Variants in WDR5 observed in about 807,000 individuals in gnomAD.
The protein encoded by WDR5 is WD repeat domain 5.
For missense variants in WDR5, 187 were observed against 416.9 expected, an observed-to-expected ratio of 0.45 and a Z score of 4.80; for synonymous variants, 144 against 161.6, an observed-to-expected ratio of 0.89 and a Z score of 0.83.
chr9:134,143,901 C>A (rs1196077269), intron 7 of WDR5, among the ~76,000 whole-genome samples: 1 of 151,836 alleles, frequency 6.6e-6, no homozygotes, highest in East Asian at 1.9e-4. Flanking sequence ...CTCCATTTCA[C>A]AAAGTGGCCA....
chr9:134,142,518 G>A, intron 6 of WDR5, 96 bp downstream of exon 6: 1 of 1,552,062 alleles, frequency 6.4e-7, no homozygotes, highest in Non-Finnish European at 8.9e-7. Flanking sequence ...AGGCAGGTGG[G>A]CCCTGAGTCC....
intron 7 of WDR5, among the ~76,000 whole-genome samples, chr9:134,146,981 C>T (rs1224764401): frequency 6.6e-6 from 1 of 152,212 alleles, no homozygotes; most frequent in East Asian, 1.9e-4. Context: ...CCAGCATGCC[C>T]AGCATAGAGG....
chr9:134,142,116 G>GTCAA, intron 5 of WDR5, 78 bp downstream of exon 5: 2 of 1,247,780 alleles, frequency 1.6e-6, no homozygotes, highest in South Asian at 1.2e-5. Context: ...TGAGTTGACT[G>GTCAA]CTCAGTAAGC....
In WDR5 at chr9:134,159,237, G is replaced by C. The variant is rs950195771; in HGVS notation, c.*1244G>C. On this transcript the variant is annotated 3_prime_UTR_variant, in exon 14 of 14. Transcript: ENST00000358625. This position sits in a 1 kb window ranked among gnomAD's most constrained non-coding sequence, Gnocchi z 4.3. ...TGCCCATGGAGACAGTTGTGGTGAG[G>C]GTTGCCACACACAGTGAGGGCGGAG... The C allele has an allele frequency of 6.6e-6, 1 of 152,620 alleles. No individual in the cohort carries two copies. 9.5% of individuals were successfully genotyped at this position (152,620 alleles called of 1,614,324 possible).
At chr9:134,142,559 G>C in intron 6 of WDR5, 77 bp from the exon 7 acceptor site, 1 of 1,566,372 alleles carries the variant, frequency 6.4e-7, no homozygotes, top group Non-Finnish European at 8.8e-7. Context: ...AGGATGGGCT[G>C]ATAGCAGGTC....
Position 134,142,110 on chromosome 9 carries a change from T to G in WDR5, c.354+72T>G, listed in dbSNP as rs928191732. ...CACGGGGCAGGTGCGGGGGACTGAGTTGACTGCTCAGTAAGCAACACTCAG... is the reference window on the plus strand; with the variant it reads ...CACGGGGCAGGTGCGGGGGACTGAGGTGACTGCTCAGTAAGCAACACTCAG... On this transcript the variant is annotated intron_variant, in intron 5 of 13. Coordinates refer to ENST00000358625, the MANE Select transcript of WDR5 (RefSeq NM_017588.3). 6.3e-6 allele frequency: 9 copies of G among 1,433,640 alleles called. No individual in the cohort carries two copies. In the East Asian group the frequency reaches 2.1e-4, roughly 33 times the overall value. The allele number at this position is 1,433,640 out of a possible 1,614,324, so 88.8% of individuals were successfully genotyped here.
rs1029222076 is a variant in WDR5, at chr9:134,140,903, C to T, written c.190+92C>T. The T allele has an allele frequency of 9.4e-5, 118 of 1,258,182 alleles. No homozygotes were observed. The African/African-American group carries it at 1.3e-3, about 14-fold the overall frequency. 77.9% of individuals were successfully genotyped at this position (1,258,182 alleles called of 1,614,324 possible). ...GGGGATGGCTTGCTTCCTCACCTAC[C>T]GCTGGGGAGACGTAGCAGGCCGCTG... On this transcript the variant is annotated intron_variant, in intron 3 of 13. Transcript: ENST00000358625.
rs538605344 is a variant in WDR5 at position 134,144,696 on chromosome 9, C to T, written c.528+1977C>T. Among the ~76,000 whole-genome samples, 4 of 151,996 alleles carry T rather than the reference C, an allele frequency of 2.6e-5. No homozygotes were observed. The South Asian group carries it at 6.2e-4, about 24-fold the overall frequency. On this transcript the variant is annotated intron_variant, in intron 7 of 13. Coordinates refer to ENST00000358625, the MANE Select transcript of WDR5 (RefSeq NM_017588.3). ...CTCTATACAAAAAGCAAAAATTAGC[C>T]GGGCGTAGTGATGCGCACGTGTGGT...
intron 8 of WDR5, 67 bp from the exon 9 acceptor site, chr9:134,151,916 A>G: frequency 6.6e-7 from 1 of 1,524,046 alleles, no homozygotes; most frequent in Non-Finnish European, 8.9e-7. Flanking sequence ...TTTATATCTG[A>G]CTCCCAGCAG....
intron 7 of WDR5, 62 bp downstream of exon 7, chr9:134,142,781 G>T (rs1167399415): frequency 3.2e-6 from 5 of 1,554,434 alleles, no homozygotes; most frequent in African/African-American, 1.4e-5. Context: ...CATCGGATGT[G>T]GCCAGCTGTC....
chr9:134,147,211 G>A (rs916418557), intron 7 of WDR5, among the ~76,000 whole-genome samples: 1 of 152,192 alleles, frequency 6.6e-6, no homozygotes, highest in Admixed American at 6.5e-5. Context: ...AAAATTACAC[G>A]TGTGGCTGGC....
At chr9:134,141,895 C>T in intron 4 of WDR5, 54 bp from the exon 5 acceptor site, 1 of 1,542,720 alleles carries the variant, frequency 6.5e-7, no homozygotes, top group Non-Finnish European at 9.0e-7. Context: ...TGACCTTTTG[C>T]CGATGGTCCT....
intron 13 of WDR5, 114 bp downstream of exon 13, chr9:134,156,707 C>T (rs1017974030): frequency 3.0e-6 from 3 of 992,662 alleles, no homozygotes; most frequent in East Asian, 2.6e-5. Context: ...CCACCTCAGC[C>T]CTCCGCTGGC....
At chr9:134,145,396 G>A (rs1030221375) in intron 7 of WDR5, among the ~76,000 whole-genome samples, 2 of 152,194 alleles carry the variant, frequency 1.3e-5, no homozygotes, top group African/African-American at 4.8e-5. Flanking sequence ...GCTGCGCCTG[G>A]CCTGGGGCAC....
intron 7 of WDR5, among the ~76,000 whole-genome samples, chr9:134,144,483 C>T (rs569589377): frequency 4.6e-5 from 7 of 152,258 alleles, no homozygotes; most frequent in East Asian, 3.9e-4. Context: ...GTGGGACTCG[C>T]GGTTGATAGG....
intron 7 of WDR5, among the ~76,000 whole-genome samples, chr9:134,147,863 G>GAA (rs111446940): frequency 6.8e-6 from 1 of 147,568 alleles, no homozygotes; most frequent in African/African-American, 2.5e-5. Flanking sequence ...CTCTTATGAA[G>GAA]AAAAAAAAAA....
chr9:134,139,848 C>T lies in WDR5; in HGVS notation c.-30C>T. 6.2e-7 allele frequency: 1 copy of T among 1,613,246 alleles called. No homozygotes were observed. The highest frequency in any genetic ancestry group is 8.5e-7 in the Non-Finnish European group (1 of 1,179,768). On this transcript the variant is annotated 5_prime_UTR_variant, in exon 2 of 14. Transcript: ENST00000358625. ...GCCTCTGTCACCGGGTCCCTCCACCCTTGTCTCCTGTGCGGCCAGCGTCAG... is the reference window on the plus strand; with the variant it reads ...GCCTCTGTCACCGGGTCCCTCCACCTTTGTCTCCTGTGCGGCCAGCGTCAG...
At position 134,157,841 on chromosome 9, in the gene WDR5, C is replaced by T. The variant is rs111877605; in HGVS notation, c.905-52C>T. The T allele has an allele frequency of 3.7e-3, 5,762 of 1,577,624 alleles. 167 individuals are homozygous for T. In the African/African-American group the frequency reaches 0.062, roughly 17 times the overall value. ...GTGGAGCTCAGTCTGGGATGGCGTC[C>T]CCGACCCAGGCGCAGGGATGGCTCT... On this transcript the variant is annotated intron_variant, in intron 13 of 13. Coordinates refer to ENST00000358625, the MANE Select transcript of WDR5 (RefSeq NM_017588.3). The surrounding 1 kb of genome is among the most constrained non-coding windows in gnomAD (Gnocchi z 5.0).
intron 1 of WDR5, among the ~76,000 whole-genome samples, chr9:134,136,803 CAG>C (rs1467381732): frequency 2.6e-5 from 4 of 152,288 alleles, no homozygotes; most frequent in Non-Finnish European, 4.4e-5. Flanking sequence ...CCGGACCAAA[CAG>C]AGGTCGGCCT....
Sources: gnomAD v4.1 joint callset for allele counts (sites outside exome capture counted in the v4.1 genomes callset) on GRCh38, gnomAD v4.1.1 for gene constraint, Gnocchi (gnomAD v3.1) non-coding constraint, MANE v1.5 for transcripts, NCBI Gene and HGNC (gene_info 2026-07-23, HGNC 2026-07-21) for gene names.